GRIA3: variants seen among roughly 807,000 people sequenced by gnomAD.
GRIA3 encodes glutamate ionotropic receptor AMPA type subunit 3.
Under a neutral mutation model 63.0 loss-of-function variants are expected in GRIA3, and 3 were observed. The observed-to-expected ratio is 0.05, with a 90% CI of 0.02 to 0.12. The LOEUF is 0.12. GRIA3 is among the 10% of genes least tolerant of loss of function. The pLI, the probability that GRIA3 is intolerant of heterozygous loss-of-function variation, is 1.00. For synonymous variants in GRIA3, 274 were observed against 257.9 expected (o/e 1.06, Z -0.60); for missense variants, 347 against 700.9 (o/e 0.50, Z 5.70).
intron 13 of GRIA3, among the ~76,000 whole-genome samples, chrX:123,479,676 G>C (rs916428241): frequency 8.9e-6 from 1 of 112,300 alleles, no homozygotes; most frequent in African/African-American, 3.2e-5. Flanking sequence ...TTTGCTTTCT[G>C]TCTGGAAGTA....
intron 11 of GRIA3, among the ~76,000 whole-genome samples, chrX:123,424,519 C>T (rs1208094510): frequency 9.0e-5 from 10 of 111,686 alleles, no homozygotes; most frequent in Admixed American, 2.9e-4. Flanking sequence ...GTGCATTCCA[C>T]ACTGATTCCA....
At chrX:123,203,768 A>G (rs1437592849) in intron 2 of GRIA3, among the ~76,000 whole-genome samples, 2 of 112,197 alleles carry the variant, frequency 1.8e-5, no homozygotes, top group African/African-American at 6.5e-5. Context: ...TTGGGCTCCA[A>G]TATTAGAGAC....
At chrX:123,190,616 G>A (rs186725008) in intron 2 of GRIA3, among the ~76,000 whole-genome samples, 1 of 111,260 alleles carries the variant, frequency 9.0e-6, no homozygotes, top group African/African-American at 3.3e-5. Flanking sequence ...AGAAGGGTTT[G>A]AAGGAAAGGA....
intron 12 of GRIA3, among the ~76,000 whole-genome samples, chrX:123,452,481 C>G (rs2045738524): frequency 9.0e-6 from 1 of 110,890 alleles, no homozygotes; most frequent in Non-Finnish European, 1.9e-5. Context: ...CTCCAGGGAC[C>G]TGGAAGTAAC....
intron 3 of GRIA3, among the ~76,000 whole-genome samples, chrX:123,271,463 G>T (rs2044521788): frequency 9.0e-6 from 1 of 111,723 alleles, no homozygotes; most frequent in African/African-American, 3.3e-5. Flanking sequence ...CAGCTAATGA[G>T]CAGTGAACGC....
chrX:123,229,375 C>A (rs1190650103), intron 2 of GRIA3, among the ~76,000 whole-genome samples: 1 of 112,238 alleles, frequency 8.9e-6, no homozygotes, highest in African/African-American at 3.2e-5. Flanking sequence ...GCCAGTCTGT[C>A]ATGAATTTCA....
chrX:123,344,420 GT>G (rs2045030334), intron 4 of GRIA3, among the ~76,000 whole-genome samples: 2 of 111,983 alleles, frequency 1.8e-5, no homozygotes, highest in South Asian at 7.6e-4. Context: ...TCCCAAAGCA[GT>G]TATAAGCTAA....
intron 5 of GRIA3, among the ~76,000 whole-genome samples, chrX:123,381,870 C>A (rs2045326762): frequency 8.9e-6 from 1 of 112,248 alleles, no homozygotes; most frequent in Non-Finnish European, 1.9e-5. Context: ...CTTATATCCA[C>A]CTGTCTATTA....
chrX:123,194,914 GA>G (rs1927534298), intron 2 of GRIA3, among the ~76,000 whole-genome samples: 1 of 112,533 alleles, frequency 8.9e-6, no homozygotes, highest in Admixed American at 9.4e-5. Context: ...TTTCAGGCTG[GA>G]AATCTAAGAC....
chrX:123,354,813 TA>T, intron 4 of GRIA3, 96 bp from the exon 5 acceptor site: 1 of 620,818 alleles, frequency 1.6e-6, no homozygotes, highest in Admixed American at 2.2e-5. Flanking sequence ...TTCCTGTATA[TA>T]AAAGCTCTAA....
At chrX:123,455,070 A>G (rs1603165271) in intron 12 of GRIA3, among the ~76,000 whole-genome samples, 1 of 112,057 alleles carries the variant, frequency 8.9e-6, no homozygotes, top group Non-Finnish European at 1.9e-5. Context: ...TTTACATTTG[A>G]GGGCAAAACT....
At chrX:123,185,076 G>A (rs1046312797) in intron 1 of GRIA3, 4 of 313,590 alleles carry the variant, frequency 1.3e-5, no homozygotes, top group Non-Finnish European at 1.9e-5. Context: ...ACCCGGGCCC[G>A]GGGTGCTCAG....
chrX:123,207,913 G>C (rs906735028), intron 2 of GRIA3, among the ~76,000 whole-genome samples: 4 of 111,899 alleles, frequency 3.6e-5, no homozygotes, highest in African/African-American at 1.3e-4. Flanking sequence ...AACACAACAG[G>C]TCAGGTCACC....
At chrX:123,389,996 G>A (rs1457182687) in intron 5 of GRIA3, among the ~76,000 whole-genome samples, 6 of 111,953 alleles carry the variant, frequency 5.4e-5, no homozygotes, top group African/African-American at 1.6e-4. Flanking sequence ...ATGAGCCACC[G>A]CGCCTGGCCC....
chrX:123,246,234 A>T, intron 2 of GRIA3, among the ~76,000 whole-genome samples: 1 of 112,237 alleles, frequency 8.9e-6, no homozygotes, highest in East Asian at 2.8e-4. Context: ...TAAATGTATT[A>T]GCTTTCTATT....
chrX:123,280,020 G>C (rs749515140), intron 3 of GRIA3, among the ~76,000 whole-genome samples: 4 of 112,370 alleles, frequency 3.6e-5, no homozygotes, highest in Non-Finnish European at 5.6e-5. Context: ...GATGAATCAA[G>C]GTACTCCATT....
intron 7 of GRIA3, among the ~76,000 whole-genome samples, chrX:123,399,156 CT>C (rs1336533369): frequency 2.7e-5 from 3 of 111,687 alleles, no homozygotes; most frequent in Non-Finnish European, 3.8e-5. Flanking sequence ...ATATGACATT[CT>C]TTAGGGAGAT....
chrX:123,271,496 C>A, intron 3 of GRIA3, among the ~76,000 whole-genome samples: 1 of 111,940 alleles, frequency 8.9e-6, no homozygotes, highest in Admixed American at 9.5e-5. Context: ...CGTTTCCTAA[C>A]ACCCAGTCCA....
intron 3 of GRIA3, among the ~76,000 whole-genome samples, chrX:123,262,565 T>C (rs990866562): frequency 8.9e-6 from 1 of 112,304 alleles, no homozygotes; most frequent in African/African-American, 3.2e-5. Context: ...TGAGTGTCTC[T>C]TACTATGCCT....
Sources: allele counts gnomAD v4.1 joint callset (sites outside exome capture counted in the v4.1 genomes callset), GRCh38; gene constraint gnomAD v4.1.1; transcripts MANE v1.5; gene names NCBI Gene and HGNC (gene_info 2026-07-23, HGNC 2026-07-21).